HSD17B12: variants seen among roughly 807,000 people sequenced by gnomAD.
HSD17B12 encodes very-long-chain 3-oxoacyl-CoA reductase.
HSD17B12 carries 32 observed loss-of-function variants against 39.3 expected under a neutral mutation model. The observed-to-expected ratio is 0.81, with a 90% CI of 0.61 to 1.09. The LOEUF (loss-of-function observed/expected upper bound fraction) is 1.09. Among genes scored for constraint, HSD17B12 ranks in the 50% least tolerant of loss-of-function variants. HSD17B12 has a pLI of 0.00. For synonymous variants in HSD17B12, 150 were observed against 146.7 expected (o/e 1.02, Z -0.16); for missense variants, 342 against 382.9 (o/e 0.89, Z 0.89).
intron 1 of HSD17B12, among the ~76,000 whole-genome samples, chr11:43,737,078 G>A (rs7936814): frequency 6.6e-6 from 1 of 152,148 alleles, no homozygotes; most frequent in Non-Finnish European, 1.5e-5. Context: ...TTAATCAATC[G>A]AGTGTTTTCT....
At chr11:43,557,970 C>T in the HSD17B12 span, among the ~76,000 whole-genome samples, 1 of 152,084 alleles carries the variant, frequency 6.6e-6, no homozygotes, top group Non-Finnish European at 1.5e-5. Flanking sequence ...TCGTATGGTG[C>T]TTGGGGCCAT....
chr11:43,606,542 T>G, the HSD17B12 span, among the ~76,000 whole-genome samples: 1 of 152,232 alleles, frequency 6.6e-6, no homozygotes, highest in Non-Finnish European at 1.5e-5. Flanking sequence ...CAAAACAAGC[T>G]CAACTGTCAT....
chr11:43,801,648 A>G (rs1950970888), intron 4 of HSD17B12, among the ~76,000 whole-genome samples: 1 of 119,658 alleles, frequency 8.4e-6, no homozygotes, highest in Admixed American at 8.3e-5. Flanking sequence ...GTATGTATGT[A>G]TATGTGTATA....
chr11:43,566,682 G>A, the HSD17B12 span, among the ~76,000 whole-genome samples: 4 of 152,056 alleles, frequency 2.6e-5, no homozygotes, highest in East Asian at 1.9e-4. Flanking sequence ...GGCGCACACC[G>A]CCACGCCCGG....
At chr11:43,616,797 TAAAAAAAAAAAA>T in the HSD17B12 span, among the ~76,000 whole-genome samples, 3 of 59,710 alleles carry the variant, frequency 5.0e-5, no homozygotes, top group Admixed American at 2.4e-4. Context: ...GTGCCCAAAC[TAAAAAAAAAAAA>T]AAAAAAAAAA....
chr11:43,705,751 C>T (rs1950006786), intron 1 of HSD17B12, among the ~76,000 whole-genome samples: 3 of 102,928 alleles, frequency 2.9e-5, no homozygotes, highest in Admixed American at 1.2e-4. Flanking sequence ...TTCTTTTTTT[C>T]CTCTCTCCTC....
At chr11:43,666,588 C>T in the HSD17B12 span, among the ~76,000 whole-genome samples, 2 of 152,186 alleles carry the variant, frequency 1.3e-5, no homozygotes, top group East Asian at 3.9e-4. Flanking sequence ...AAGTGATCCA[C>T]CTGCCTGGGC....
chr11:43,623,655 G>A, the HSD17B12 span, among the ~76,000 whole-genome samples: 2 of 151,758 alleles, frequency 1.3e-5, no homozygotes, highest in African/African-American at 2.4e-5. Context: ...TATAAAGGGG[G>A]TAAAACGCTT....
chr11:43,564,822 G>A, the HSD17B12 span, among the ~76,000 whole-genome samples: 1 of 152,066 alleles, frequency 6.6e-6, no homozygotes, highest in Non-Finnish European at 1.5e-5. Flanking sequence ...GAAAACATTT[G>A]GTAATAGCTC....
At chr11:43,815,874 T>C (rs1048193996) in intron 5 of HSD17B12, among the ~76,000 whole-genome samples, 4 of 152,212 alleles carry the variant, frequency 2.6e-5, no homozygotes, top group African/African-American at 9.6e-5. Flanking sequence ...TATGTTAATA[T>C]ACAGCAACGT....
rs1035259326 is a variant in HSD17B12, at chr11:43,682,957, A to AT, written c.160+1978dup. ...CAGGTGTGCATCACCACACCAGCTC[A>AT]TTTTTTTTGTTTTTTGTAGAGACAA... On this transcript the variant is annotated intron_variant, in intron 1 of 10. Coordinates refer to ENST00000278353, the MANE Select transcript of HSD17B12 (RefSeq NM_016142.3). 7.3e-5 allele frequency among the ~76,000 whole-genome samples: 11 copies of AT among 151,562 alleles called. No homozygotes were observed. In the East Asian group the frequency reaches 1.2e-3, roughly 16 times the overall value.
chr11:43,845,005 T>C (rs1951461570), intron 9 of HSD17B12, among the ~76,000 whole-genome samples: 1 of 151,724 alleles, frequency 6.6e-6, no homozygotes, highest in African/African-American at 2.4e-5. Flanking sequence ...TGTTTGTTTG[T>C]TGTTTGAAGA....
the HSD17B12 span, among the ~76,000 whole-genome samples, chr11:43,663,840 ATTTTTATT>A: frequency 6.6e-6 from 1 of 151,610 alleles, no homozygotes; most frequent in Admixed American, 6.6e-5. Flanking sequence ...AAGGGTTTTT[ATTTTTATT>A]TTTTTATTTT....
chr11:43,582,127 G>T, the HSD17B12 span, among the ~76,000 whole-genome samples: 1 of 152,198 alleles, frequency 6.6e-6, no homozygotes, highest in Non-Finnish European at 1.5e-5. Context: ...GGGGCGTTTT[G>T]CAGCCTCGGG....
chr11:43,676,910 G>T (rs979083351), upstream of HSD17B12, among the ~76,000 whole-genome samples: 3 of 152,146 alleles, frequency 2.0e-5, no homozygotes, highest in Non-Finnish European at 2.9e-5. Flanking sequence ...GTGCCTTGTT[G>T]GTGAGCAATG....
chr11:43,644,127 G>A, the HSD17B12 span: 2 of 152,284 alleles, frequency 1.3e-5, no homozygotes, highest in African/African-American at 2.4e-5. Flanking sequence ...GGAGGGGAAA[G>A]GGTGCAGGGC....
At chr11:43,705,875 A>G (rs1590676696) in intron 1 of HSD17B12, among the ~76,000 whole-genome samples, 1 of 135,820 alleles carries the variant, frequency 7.4e-6, no homozygotes, top group South Asian at 2.3e-4. Flanking sequence ...AATCCTTCCC[A>G]CCTCAGCCTC....
intron 4 of HSD17B12, among the ~76,000 whole-genome samples, chr11:43,800,218 C>T (rs1284760646): frequency 6.6e-6 from 1 of 152,172 alleles, no homozygotes; most frequent in African/African-American, 2.4e-5. Context: ...TGTCATGGTT[C>T]ATCTTAACCT....
At chr11:43,703,261 C>A (rs1022714579) in intron 1 of HSD17B12, among the ~76,000 whole-genome samples, 1 of 151,970 alleles carries the variant, frequency 6.6e-6, no homozygotes, top group Non-Finnish European at 1.5e-5. Flanking sequence ...GTGGCGGGAT[C>A]TTGGCTCACT....
Sources: allele counts gnomAD v4.1 joint callset (sites outside exome capture counted in the v4.1 genomes callset), GRCh38; gene constraint gnomAD v4.1.1; transcripts MANE v1.5; gene names NCBI Gene and HGNC (gene_info 2026-07-23, HGNC 2026-07-21).